LRMDA: variants seen among roughly 807,000 people sequenced by gnomAD.
LRMDA encodes leucine rich melanocyte differentiation associated, also known as leucine-rich melanocyte differentiation-associated protein.
LRMDA carries 18 observed loss-of-function variants against 29.8 expected under a neutral mutation model. The observed-to-expected ratio is 0.60, with a 90% CI of 0.42 to 0.90. The LOEUF (loss-of-function observed/expected upper bound fraction) is 0.90, where lower values mean the gene tolerates loss of function less well. LRMDA is among the 40% of genes least tolerant of loss of function. The probability of loss-of-function intolerance (pLI) is 0.00; values close to 1 mark genes in which losing one functional copy is unlikely to be tolerated. For missense variants in LRMDA, 273 were observed against 273.9 expected, an observed-to-expected ratio of 1.00 and a Z score of 0.02; for synonymous variants, 125 against 109.4, an observed-to-expected ratio of 1.14 and a Z score of -0.89.
chr10:75,892,456 G>T (rs930273158), intron 2 of LRMDA, among the ~76,000 whole-genome samples: 1 of 152,190 alleles, frequency 6.6e-6, no homozygotes, highest in Admixed American at 6.5e-5. Context: ...CTTTAAGGGA[G>T]CGCTTAGGAA....
chr10:75,749,596 TA>T (rs924409260), intron 2 of LRMDA, among the ~76,000 whole-genome samples: 4 of 151,272 alleles, frequency 2.6e-5, no homozygotes, highest in African/African-American at 4.9e-5. Context: ...GTTTTTTGGT[TA>T]AAAAAAAGCA....
chr10:75,578,234 A>AAAAAAAAAAAAAAAAAAC, intron 2 of LRMDA, among the ~76,000 whole-genome samples: 1 of 147,578 alleles, frequency 6.8e-6, no homozygotes, highest in South Asian at 2.2e-4. Context: ...AAAAAAAAAA[A>AAAAAAAAAAAAAAAAAAC]AAAAAGCAGC....
At chr10:76,058,862 C>T in intron 5 of LRMDA, 79 bp downstream of exon 5, 1 of 1,099,942 alleles carries the variant, frequency 9.1e-7, no homozygotes. Flanking sequence ...TGCAGAATGT[C>T]CTCTGAGTGT....
chr10:75,511,879 C>A (rs1482652506), intron 2 of LRMDA, among the ~76,000 whole-genome samples: 1 of 152,188 alleles, frequency 6.6e-6, no homozygotes, highest in Non-Finnish European at 1.5e-5. Context: ...TTGTTAAATC[C>A]TGTCCTCCTC....
intron 2 of LRMDA, among the ~76,000 whole-genome samples, chr10:75,515,753 G>A (rs375546197): frequency 1.3e-4 from 19 of 151,844 alleles, no homozygotes; most frequent in Non-Finnish European, 2.1e-4. Context: ...TGCACAATGT[G>A]CAGGTTTGTT....
At chr10:75,788,815 C>T (rs1277400281) in intron 2 of LRMDA, among the ~76,000 whole-genome samples, 1 of 152,230 alleles carries the variant, frequency 6.6e-6, no homozygotes, top group Non-Finnish European at 1.5e-5. Context: ...TAAGAAAACA[C>T]TCTTTGCTAC....
chr10:76,414,235 G>A (rs1434444591), intron 6 of LRMDA, among the ~76,000 whole-genome samples: 1 of 152,128 alleles, frequency 6.6e-6, no homozygotes, highest in Non-Finnish European at 1.5e-5. Flanking sequence ...GTAAAATACA[G>A]CATTAATGTT....
chr10:76,508,499 T>A (rs1842980290), intron 6 of LRMDA, among the ~76,000 whole-genome samples: 1 of 152,200 alleles, frequency 6.6e-6, no homozygotes, highest in Non-Finnish European at 1.5e-5. Flanking sequence ...CTTACTTTAT[T>A]CTATGGGTTA....
chr10:75,609,949 A>G (rs899692637), intron 2 of LRMDA, among the ~76,000 whole-genome samples: 2 of 151,014 alleles, frequency 1.3e-5, no homozygotes, highest in Non-Finnish European at 3.0e-5. Context: ...CATCCCAAAG[A>G]TCTCAGACCT....
chr10:75,598,823 A>G (rs1204982000), intron 2 of LRMDA, among the ~76,000 whole-genome samples: 4 of 152,180 alleles, frequency 2.6e-5, no homozygotes, highest in African/African-American at 9.6e-5. Flanking sequence ...AAATAAAATC[A>G]AATAGACATG....
At chr10:75,875,240 G>C (rs1210992492) in intron 2 of LRMDA, among the ~76,000 whole-genome samples, 1 of 152,140 alleles carries the variant, frequency 6.6e-6, no homozygotes, top group Non-Finnish European at 1.5e-5. Flanking sequence ...TGCTAATTTT[G>C]GTGAGACTTT....
intron 2 of LRMDA, among the ~76,000 whole-genome samples, chr10:75,489,769 T>C (rs913175473): frequency 3.9e-5 from 6 of 152,270 alleles, no homozygotes; most frequent in South Asian, 2.1e-4. Flanking sequence ...CCATTGAAAA[T>C]GGTCCTTGTT....
chr10:75,882,979 A>G (rs1845319651), intron 2 of LRMDA, among the ~76,000 whole-genome samples: 2 of 152,222 alleles, frequency 1.3e-5, no homozygotes, highest in South Asian at 2.1e-4. Context: ...TTTACATAAC[A>G]TAACTGATGC....
intron 2 of LRMDA, among the ~76,000 whole-genome samples, chr10:75,723,400 G>A (rs961565011): frequency 7.9e-5 from 12 of 152,216 alleles, no homozygotes; most frequent in Non-Finnish European, 1.6e-4. Context: ...CTTTGATACC[G>A]TTAGCTTTTA....
chr10:75,579,854 T>C (rs1418333997), intron 2 of LRMDA, among the ~76,000 whole-genome samples: 1 of 152,232 alleles, frequency 6.6e-6, no homozygotes, highest in African/African-American at 2.4e-5. Flanking sequence ...AGAAAAGTCC[T>C]TTGACAAAAT....
intron 2 of LRMDA, among the ~76,000 whole-genome samples, chr10:75,985,186 A>G (rs1223714868): frequency 1.3e-5 from 2 of 152,178 alleles, no homozygotes; most frequent in Admixed American, 6.5e-5. Context: ...AAAGGAAGTG[A>G]GTAGGAAAAG....
chr10:75,793,305 T>A (rs992619721), intron 2 of LRMDA, among the ~76,000 whole-genome samples: 1 of 152,156 alleles, frequency 6.6e-6, no homozygotes, highest in Non-Finnish European at 1.5e-5. Context: ...TTAGTCAGAT[T>A]TCCAGTCTAG....
At chr10:75,481,118 T>C (rs1001972655) in intron 2 of LRMDA, among the ~76,000 whole-genome samples, 1 of 152,016 alleles carries the variant, frequency 6.6e-6, no homozygotes, top group African/African-American at 2.4e-5. Context: ...ACAGTAGATA[T>C]ATAGCTCTAG....
chr10:75,998,214 AG>A (rs1847504995), intron 2 of LRMDA, among the ~76,000 whole-genome samples: 1 of 152,214 alleles, frequency 6.6e-6, no homozygotes, highest in Non-Finnish European at 1.5e-5. Flanking sequence ...CTGCTGCCTC[AG>A]TGGACCCCTT....
Sources: allele counts gnomAD v4.1 joint callset (sites outside exome capture counted in the v4.1 genomes callset), GRCh38; gene constraint gnomAD v4.1.1; transcripts MANE v1.5; gene names NCBI Gene and HGNC (gene_info 2026-07-23, HGNC 2026-07-21).